ELMO1: variants seen among roughly 807,000 people sequenced by gnomAD.
The protein encoded by ELMO1 is engulfment and cell motility 1.
A neutral mutation model predicts 98.9 loss-of-function variants in ELMO1; 26 were observed. The observed-to-expected ratio is 0.26, with a 90% CI of 0.19 to 0.36. The LOEUF (loss-of-function observed/expected upper bound fraction) is 0.36, where lower values mean the gene tolerates loss of function less well. ELMO1 is among the 10% of genes least tolerant of loss of function. The pLI is 1.00. For synonymous variants in ELMO1, 346 were observed against 346.0 expected, an observed-to-expected ratio of 1.00 and a Z score of 0.00; for missense variants, 627 against 935.2, an observed-to-expected ratio of 0.67 and a Z score of 4.30.
intron 1 of ELMO1, among the ~76,000 whole-genome samples, chr7:37,361,337 A>T (rs1801690545): frequency 6.6e-6 from 1 of 152,376 alleles, no homozygotes; most frequent in South Asian, 2.1e-4. Context: ...ATGTAACAAT[A>T]GAAGTAAATC....
chr7:36,859,851 A>G (rs375469459), intron 21 of ELMO1, among the ~76,000 whole-genome samples: 1 of 152,054 alleles, frequency 6.6e-6, no homozygotes, highest in African/African-American at 2.4e-5. Flanking sequence ...TTTTTCTTCA[A>G]TAAAACTTAT....
intron 13 of ELMO1, among the ~76,000 whole-genome samples, chr7:37,198,826 C>T (rs1010581278): frequency 3.9e-5 from 6 of 152,176 alleles, no homozygotes; most frequent in Non-Finnish European, 8.8e-5. Flanking sequence ...CCTCTCCTTC[C>T]GCCACAGCCA....
chr7:37,001,591 A>C, intron 16 of ELMO1, among the ~76,000 whole-genome samples: 1 of 152,256 alleles, frequency 6.6e-6, no homozygotes, highest in Non-Finnish European at 1.5e-5. Context: ...GTAGACATAC[A>C]AAATTTCATT....
chr7:37,332,858 G>C (rs1800207451), intron 2 of ELMO1, among the ~76,000 whole-genome samples: 1 of 152,180 alleles, frequency 6.6e-6, no homozygotes, highest in Non-Finnish European at 1.5e-5. Flanking sequence ...GAATGGATTG[G>C]AGGGGAAGGA....
At chr7:37,435,411 C>T (rs1376250835) in intron 1 of ELMO1, among the ~76,000 whole-genome samples, 1 of 152,218 alleles carries the variant, frequency 6.6e-6, no homozygotes, top group Non-Finnish European at 1.5e-5. Flanking sequence ...CTCTTCAAAG[C>T]ACTTATCACT....
intron 1 of ELMO1, among the ~76,000 whole-genome samples, chr7:37,397,353 T>A (rs1240562140): frequency 6.6e-6 from 1 of 152,220 alleles, no homozygotes; most frequent in East Asian, 1.9e-4. Context: ...TGACAGAAAA[T>A]TGATAGAAGG....
Position 37,445,634 on chromosome 7 carries a change from G to A in ELMO1, c.-74+3041C>T, listed in dbSNP as rs553294904. On this transcript the variant is annotated intron_variant, in intron 1 of 21. Transcript: ENST00000310758. ...ATTACTTTGAAACACTCAAGAGTTA[G>A]CTTCTTTTCAATATAGTAATTTAGT... Among the ~76,000 whole-genome samples, 76 of 138,174 alleles carry A rather than the reference G, an allele frequency of 5.5e-4. 1 individual carries two copies. Among genetic ancestry groups the A allele is most frequent in the African/African-American group, 2.0e-3 (75 of 36,724 alleles). 90.6% of individuals were successfully genotyped at this position (138,174 alleles called of 152,430 possible).
intron 1 of ELMO1, among the ~76,000 whole-genome samples, chr7:37,366,160 G>C (rs902608061): frequency 6.6e-6 from 1 of 151,966 alleles, no homozygotes; most frequent in African/African-American, 2.4e-5. Flanking sequence ...TTTGCTCCTC[G>C]ATTTCTATAG....
chr7:36,974,201 C>T lies in ELMO1; in HGVS notation c.1437+39098G>A, dbSNP rs374773969. ...TCCACTGGGTGAAGCCAGCTGGGCT[C>T]CTGAGTCTGGTGGGGATGTGGAGAA... On this transcript the variant is annotated intron_variant, in intron 16 of 21. Transcript: ENST00000310758. 1.9e-4 allele frequency among the ~76,000 whole-genome samples: 29 copies of T among 152,380 alleles called. No homozygotes were observed. The East Asian group carries it at 5.0e-3, about 26-fold the overall frequency.
At chr7:37,422,777 C>A (rs1804530050) in intron 1 of ELMO1, among the ~76,000 whole-genome samples, 1 of 152,194 alleles carries the variant, frequency 6.6e-6, no homozygotes, top group African/African-American at 2.4e-5. Flanking sequence ...AAGCATGATG[C>A]CACACTAAAA....
chr7:36,889,594 C>T (rs1805376480), intron 17 of ELMO1, among the ~76,000 whole-genome samples: 1 of 152,204 alleles, frequency 6.6e-6, no homozygotes, highest in African/African-American at 2.4e-5. Flanking sequence ...ATAACAGTTT[C>T]ACTAGGCCAG....
Position 37,011,686 on chromosome 7 carries a change from C to A in ELMO1, c.1437+1613G>T, listed in dbSNP as rs372842987. 3.9e-5 allele frequency among the ~76,000 whole-genome samples: 6 copies of A among 152,312 alleles called. No individual in the cohort carries two copies. The South Asian group carries it at 1.2e-3, about 32-fold the overall frequency. On this transcript the variant is annotated intron_variant, in intron 16 of 21. Transcript: ENST00000310758. ...CTCCTTCTCCTGGAGGAACAGGTGTCCCCAGCTCGCAAAGCTGAGGACTGG... is the reference window on the plus strand; with the variant it reads ...CTCCTTCTCCTGGAGGAACAGGTGTACCCAGCTCGCAAAGCTGAGGACTGG...
chr7:37,222,472 G>A (rs1002044439), intron 10 of ELMO1, 143 bp downstream of exon 10: 51 of 807,494 alleles, frequency 6.3e-5, no homozygotes, highest in Middle Eastern at 2.5e-4. Context: ...GCCGTGCAGC[G>A]GAACATAGCT....
At chr7:37,340,355 T>C (rs922434036) in intron 2 of ELMO1, among the ~76,000 whole-genome samples, 1 of 152,134 alleles carries the variant, frequency 6.6e-6, no homozygotes, top group Non-Finnish European at 1.5e-5. Context: ...AGGTACAGAG[T>C]TCTTTGTACT....
intron 1 of ELMO1, among the ~76,000 whole-genome samples, chr7:37,433,276 C>T (rs1805007782): frequency 6.6e-6 from 1 of 152,224 alleles, no homozygotes; most frequent in Admixed American, 6.5e-5. Context: ...ACACTGAGTA[C>T]TTCTTATGGG....
intron 19 of ELMO1, among the ~76,000 whole-genome samples, chr7:36,877,180 A>G (rs1185599415): frequency 6.6e-6 from 1 of 152,216 alleles, no homozygotes; most frequent in Non-Finnish European, 1.5e-5. Context: ...CGCTTATCTG[A>G]ACACTGCAAG....
At chr7:37,438,431 C>CAAAAA (rs543852959) in intron 1 of ELMO1, among the ~76,000 whole-genome samples, 1 of 122,562 alleles carries the variant, frequency 8.2e-6, no homozygotes, top group African/African-American at 3.1e-5. Flanking sequence ...ACTAAAAATA[C>CAAAAA]AAAAAAAAAA....
At chr7:37,150,372 C>T (rs556465314) in intron 13 of ELMO1, among the ~76,000 whole-genome samples, 4 of 150,630 alleles carry the variant, frequency 2.7e-5, no homozygotes, top group East Asian at 3.9e-4. Context: ...ATCTTGCCCA[C>T]ATTCACACAA....
At chr7:37,286,953 G>A (rs1380257813) in intron 4 of ELMO1, among the ~76,000 whole-genome samples, 1 of 152,190 alleles carries the variant, frequency 6.6e-6, no homozygotes, top group African/African-American at 2.4e-5. Flanking sequence ...CCAGCACTTT[G>A]GGAGGTGGAG....
Sources: gnomAD v4.1 joint callset for allele counts (sites outside exome capture counted in the v4.1 genomes callset) on GRCh38, gnomAD v4.1.1 for gene constraint, MANE v1.5 for transcripts, NCBI Gene and HGNC (gene_info 2026-07-23, HGNC 2026-07-21) for gene names.